OTUD5: variants seen among roughly 807,000 people sequenced by gnomAD.
OTUD5 encodes OTU domain-containing protein 5.
In OTUD5, 2 loss-of-function variants were observed where a neutral mutation model predicts 36.3. The ratio of observed to expected loss-of-function variants is 0.06; its 90% CI spans 0.02 to 0.17. OTUD5 has a LOEUF of 0.17. Among genes scored for constraint, OTUD5 ranks in the 10% least tolerant of loss-of-function variants. The pLI, the probability that OTUD5 is intolerant of heterozygous loss-of-function variation, is 1.00. For synonymous variants in OTUD5, 234 were observed against 214.9 expected (o/e 1.09, Z -0.78); for missense variants, 233 against 512.3 (o/e 0.45, Z 5.26).
chrX:48,942,580 G>A (rs1557051394), intron 2 of OTUD5, among the ~76,000 whole-genome samples: 1 of 109,917 alleles, frequency 9.1e-6, no homozygotes, highest in Admixed American at 9.8e-5. Context: ...CTCTTCCTCT[G>A]GGAAACATCC....
In OTUD5 at chrX:48,957,141, A is replaced by G; in HGVS notation, c.430T>C (p.Ser144Pro). The change falls in exon 1 of 9, where the codon TCC (serine) becomes CCC (proline). Residue 144 changes from serine to proline, a missense_variant. This residue lies in a region of OTUD5 where 155 missense variants were observed against 217.2 expected (regional missense o/e 0.71). Transcript: ENST00000376488. ...GGAVGVGGCC[S>P]GPGHSKRRRQ... ...CGCCGCTTGCTGTGCCCAGGCCCGG[A>G]GCAGCAGCCGCCCACGCCTACGGCA... The G allele has an allele frequency of 8.6e-7, 1 of 1,162,757 alleles. No individual in the cohort carries two copies. Among genetic ancestry groups the G allele is most frequent in the Non-Finnish European group, 1.1e-6 (1 of 876,495 alleles).
chrX:48,926,739 T>C (rs1377603072), intron 5 of OTUD5, among the ~76,000 whole-genome samples: 1 of 111,271 alleles, frequency 9.0e-6, no homozygotes, highest in East Asian at 2.8e-4. Context: ...ATGAGACACA[T>C]ACAAAAATTA....
At chrX:48,949,021 A>G (rs782486498) in intron 1 of OTUD5, among the ~76,000 whole-genome samples, 4 of 111,508 alleles carry the variant, frequency 3.6e-5, no homozygotes, top group Admixed American at 2.9e-4. Context: ...CCATGTGATG[A>G]TGAACTGCTC....
At chrX:48,952,251 C>G (rs782743245) in intron 1 of OTUD5, among the ~76,000 whole-genome samples, 3 of 111,841 alleles carry the variant, frequency 2.7e-5, no homozygotes, top group South Asian at 7.4e-4. Flanking sequence ...ACATCCAGAA[C>G]AGACAAATCA....
At chrX:48,943,429 T>C (rs1260136110) in intron 2 of OTUD5, among the ~76,000 whole-genome samples, 5 of 111,926 alleles carry the variant, frequency 4.5e-5, no homozygotes, top group Admixed American at 3.8e-4. Flanking sequence ...GAAATATTTA[T>C]GAATGAAATG....
intron 5 of OTUD5, 23 bp from the exon 6 acceptor site, chrX:48,926,073 G>A (rs192915621): frequency 8.7e-7 from 1 of 1,152,069 alleles, no homozygotes; most frequent in Admixed American, 2.2e-5. Context: ...AGAGGAACAG[G>A]GATGTGCAAT....
chrX:48,924,560 C>T (rs1321654751), intron 6 of OTUD5, among the ~76,000 whole-genome samples: 1 of 112,089 alleles, frequency 8.9e-6, no homozygotes, highest in Non-Finnish European at 1.9e-5. Flanking sequence ...AGCCCCTACC[C>T]AATTGGACCC....
At chrX:48,933,800 AG>A (rs1169814876) in intron 5 of OTUD5, among the ~76,000 whole-genome samples, 2 of 112,122 alleles carry the variant, frequency 1.8e-5, no homozygotes, top group East Asian at 5.5e-4. Context: ...CCTATGTTGG[AG>A]GGTGTGTTGG....
chrX:48,957,923 G>T, upstream of OTUD5: 2 of 573,567 alleles, frequency 3.5e-6, no homozygotes, highest in Non-Finnish European at 4.2e-6. Context: ...TCTTCGCTCC[G>T]CCCCCTCGCA....
chrX:48,933,977 G>C (rs1226846394), intron 5 of OTUD5, among the ~76,000 whole-genome samples: 3 of 111,672 alleles, frequency 2.7e-5, no homozygotes, highest in Non-Finnish European at 5.6e-5. Flanking sequence ...GCCACCTTCT[G>C]AACACCTACT....
chrX:48,958,169 G>A (rs2064291619), upstream of OTUD5: 2 of 113,311 alleles, frequency 1.8e-5, no homozygotes, highest in Admixed American at 9.2e-5. Flanking sequence ...CGACACCCTG[G>A]TTCCCAGCCT....
intron 2 of OTUD5, among the ~76,000 whole-genome samples, chrX:48,943,331 G>A (rs1010762895): frequency 8.9e-6 from 1 of 111,790 alleles, no homozygotes; most frequent in Non-Finnish European, 1.9e-5. Context: ...TGGTATTAAG[G>A]CATTATTAAT....
chrX:48,933,920 G>A (rs1182800176), intron 5 of OTUD5, among the ~76,000 whole-genome samples: 1 of 111,686 alleles, frequency 9.0e-6, no homozygotes, highest in Non-Finnish European at 1.9e-5. Flanking sequence ...AAGAGAGAGA[G>A]AGAGAAATGA....
intron 2 of OTUD5, among the ~76,000 whole-genome samples, chrX:48,943,497 T>C (rs1029538049): frequency 5.4e-5 from 6 of 110,654 alleles, no homozygotes; most frequent in African/African-American, 1.3e-4. Flanking sequence ...TGAGAAAGAG[T>C]GGGCGGGATA....
intron 1 of OTUD5, among the ~76,000 whole-genome samples, chrX:48,956,010 C>T (rs781979570): frequency 9.0e-6 from 1 of 111,083 alleles, no homozygotes; most frequent in Admixed American, 9.5e-5. Flanking sequence ...TAGGATCCAA[C>T]GCTGTGAGTC....
At chrX:48,927,077 C>A (rs2063678655) in intron 5 of OTUD5, among the ~76,000 whole-genome samples, 2 of 111,542 alleles carry the variant, frequency 1.8e-5, no homozygotes, top group South Asian at 3.7e-4. Flanking sequence ...TTCCTGCAGA[C>A]CTTGCATTCA....
At chrX:48,933,381 G>A (rs1381675951) in intron 5 of OTUD5, among the ~76,000 whole-genome samples, 1 of 108,850 alleles carries the variant, frequency 9.2e-6, no homozygotes, top group Non-Finnish European at 1.9e-5. Flanking sequence ...ATTAATCATA[G>A]CGAGGCATAT....
Position 48,957,163 on chromosome X carries a change from G to C in OTUD5, c.408C>G (p.Ala136=). 1 of 1,151,395 alleles carries C rather than the reference G, an allele frequency of 8.7e-7. No individual in the cohort carries two copies. Among genetic ancestry groups the C allele is most frequent in the Non-Finnish European group, 1.1e-6 (1 of 871,596 alleles). 94.9% of individuals were successfully genotyped at this position (1,151,395 alleles called of 1,213,427 possible). A position where few individuals can be genotyped will look rare whatever the true frequency, so the allele number is the denominator to read the frequency against. Reference sequence around the variant, plus strand: ...CGGAGCAGCAGCCGCCCACGCCTACGGCACCACCCACACCCACCACCACGC... The same window carrying C: ...CGGAGCAGCAGCCGCCCACGCCTACCGCACCACCCACACCCACCACCACGC... ...AAGVVVGVGG[A]VGVGGCCSGP... Residue 136 remains alanine (A), a synonymous_variant, in exon 1 of 9, where the codon GCC becomes GCG. Coordinates refer to ENST00000376488, the MANE Select transcript of OTUD5 (RefSeq NM_001136157.2).
At chrX:48,925,767 A>T in intron 6 of OTUD5, 80 bp downstream of exon 6, 1 of 865,497 alleles carries the variant, frequency 1.2e-6, no homozygotes, top group Non-Finnish European at 1.7e-6. Context: ...AAACTGCTTA[A>T]TTTTTTTCTG....
Sources: allele counts gnomAD v4.1 joint callset (sites outside exome capture counted in the v4.1 genomes callset), GRCh38; gene constraint gnomAD v4.1.1; regional missense constraint gnomAD v4.1.1; transcripts MANE v1.5; gene names NCBI Gene and HGNC (gene_info 2026-07-23, HGNC 2026-07-21).